RAD51B: variants seen among roughly 807,000 people sequenced by gnomAD.
RAD51B encodes the protein RAD51 paralog B.
A neutral mutation model predicts 42.2 loss-of-function variants in RAD51B; 38 were observed. That is an observed-to-expected ratio of 0.90 (90% confidence interval 0.70 to 1.18). The LOEUF (loss-of-function observed/expected upper bound fraction) is 1.18, where lower values mean the gene tolerates loss of function less well. RAD51B is among the 50% of genes most tolerant of loss of function. The pLI, the probability that RAD51B is intolerant of heterozygous loss-of-function variation, is 0.00. For synonymous variants in RAD51B, 154 were observed against 145.2 expected, an observed-to-expected ratio of 1.06 and a Z score of -0.43; for missense variants, 373 against 400.7, an observed-to-expected ratio of 0.93 and a Z score of 0.59.
intron 5 of RAD51B, among the ~76,000 whole-genome samples, chr14:67,866,852 G>A (rs1242338540): frequency 6.6e-6 from 1 of 152,150 alleles, no homozygotes. Flanking sequence ...GTGCATGTTG[G>A]TATTTACATC....
At chr14:68,567,082 G>A (rs1200901985) in intron 10 of RAD51B, among the ~76,000 whole-genome samples, 1 of 152,092 alleles carries the variant, frequency 6.6e-6, no homozygotes, top group African/African-American at 2.4e-5. Context: ...GGTGGATCAC[G>A]AGGTCAGGAG....
intron 7 of RAD51B, among the ~76,000 whole-genome samples, chr14:67,998,685 AC>A (rs2075428263): frequency 6.6e-6 from 1 of 152,014 alleles, no homozygotes; most frequent in Admixed American, 6.6e-5. Flanking sequence ...AAGAACCACT[AC>A]TCTGGAGCTA....
intron 7 of RAD51B, among the ~76,000 whole-genome samples, chr14:68,068,172 T>C (rs988226935): frequency 6.6e-6 from 1 of 151,038 alleles, no homozygotes; most frequent in Non-Finnish European, 1.5e-5. Context: ...AATTTAGTGG[T>C]TTTTTAGTAT....
intron 7 of RAD51B, among the ~76,000 whole-genome samples, chr14:67,914,445 G>A (rs2044087049): frequency 6.6e-6 from 1 of 152,180 alleles, no homozygotes; most frequent in Admixed American, 6.5e-5. Context: ...ATTCCATTGA[G>A]TATATGTACC....
At chr14:68,046,414 G>A (rs1208185886) in intron 7 of RAD51B, among the ~76,000 whole-genome samples, 2 of 152,280 alleles carry the variant, frequency 1.3e-5, no homozygotes, top group South Asian at 2.1e-4. Context: ...ACCATGCTTG[G>A]CCCTAAAACT....
intron 9 of RAD51B, among the ~76,000 whole-genome samples, chr14:68,429,115 C>T (rs1423638392): frequency 4.6e-5 from 7 of 152,018 alleles, no homozygotes; most frequent in South Asian, 2.1e-4. Context: ...TAGTATTCCA[C>T]GGTGTATATG....
chr14:68,595,528 C>T, exon 11 of RAD51B: 1 of 1,066,672 alleles, frequency 9.4e-7, no homozygotes, highest in Middle Eastern at 4.2e-4. Context: ...GTTGTGAAGT[C>T]TGTCTGGCCC....
intron 10 of RAD51B, among the ~76,000 whole-genome samples, chr14:68,625,087 G>A (rs559744008): frequency 1.3e-5 from 2 of 152,284 alleles, no homozygotes; most frequent in African/African-American, 4.8e-5. Context: ...AATAAGTGGT[G>A]GAGCTGGGAC....
At chr14:67,859,967 T>A (rs1267248868) in intron 4 of RAD51B, among the ~76,000 whole-genome samples, 2 of 152,098 alleles carry the variant, frequency 1.3e-5, no homozygotes, top group African/African-American at 4.8e-5. Context: ...ATTACAGGCA[T>A]GCACCACCAC....
chr14:68,569,554 A>G (rs1889589582), intron 10 of RAD51B, among the ~76,000 whole-genome samples: 1 of 152,242 alleles, frequency 6.6e-6, no homozygotes, highest in African/African-American at 2.4e-5. Flanking sequence ...CAAAGAAAGC[A>G]GGGGAAAGAA....
intron 10 of RAD51B, among the ~76,000 whole-genome samples, chr14:68,546,937 A>G (rs1375451910): frequency 6.6e-6 from 1 of 152,238 alleles, no homozygotes; most frequent in Non-Finnish European, 1.5e-5. Flanking sequence ...TGTGCAGTTT[A>G]TCAGGACTTT....
At chr14:68,204,844 C>G (rs1401224264) in intron 7 of RAD51B, among the ~76,000 whole-genome samples, 2 of 152,092 alleles carry the variant, frequency 1.3e-5, no homozygotes, top group Non-Finnish European at 2.9e-5. Flanking sequence ...AATTATCTTT[C>G]AAGTATACAC....
chr14:68,044,130 A>ATAATT (rs1384384107), intron 7 of RAD51B, among the ~76,000 whole-genome samples: 1 of 152,244 alleles, frequency 6.6e-6, no homozygotes, highest in African/African-American at 2.4e-5. Context: ...AGCAACTCAA[A>ATAATT]TGACTGCTCT....
chr14:67,889,494 G>A (rs952612910), intron 7 of RAD51B, among the ~76,000 whole-genome samples: 3 of 148,040 alleles, frequency 2.0e-5, no homozygotes, highest in Admixed American at 6.8e-5. Flanking sequence ...AGATTGTCTT[G>A]AAATATGTAT....
Position 68,083,381 on chromosome 14 carries a change from C to T in RAD51B, c.756+196177C>T, listed in dbSNP as rs576803028. Among the ~76,000 whole-genome samples, 35 of 152,198 alleles carry T rather than the reference C, an allele frequency of 2.3e-4. No homozygotes were observed. The South Asian group carries it at 6.8e-3, about 30-fold the overall frequency. ...CAAAGTCATTGAGTAGGTTTGTTGA[C>T]TTATGTCAGATTACTCTAAATCTTG... On this transcript the variant is annotated intron_variant, in intron 7 of 10. Coordinates refer to ENST00000471583, the MANE Select transcript of RAD51B (RefSeq NM_133510.4).
At chr14:68,350,497 A>G (rs2082763848) in intron 8 of RAD51B, among the ~76,000 whole-genome samples, 1 of 152,260 alleles carries the variant, frequency 6.6e-6, no homozygotes, top group Non-Finnish European at 1.5e-5. Context: ...TGACAGTCAG[A>G]AAATTGCTGG....
At chr14:68,608,110 TGA>T (rs543311944) in intron 10 of RAD51B, among the ~76,000 whole-genome samples, 4 of 152,288 alleles carry the variant, frequency 2.6e-5, no homozygotes, top group African/African-American at 9.6e-5. Flanking sequence ...GCGCGTGCCA[TGA>T]GAGACCACCC....
intron 7 of RAD51B, among the ~76,000 whole-genome samples, chr14:67,958,379 G>C (rs1203322424): frequency 6.6e-6 from 1 of 152,240 alleles, no homozygotes; most frequent in East Asian, 1.9e-4. Flanking sequence ...TAGGCAGCAG[G>C]CTTTTGCAAA....
At chr14:68,603,911 ACTTT>A (rs1384497791) in intron 10 of RAD51B, among the ~76,000 whole-genome samples, 6 of 152,164 alleles carry the variant, frequency 3.9e-5, no homozygotes, top group Non-Finnish European at 7.4e-5. Flanking sequence ...TGTTCCTTCA[ACTTT>A]CTTCAGCCCC....
Sources: allele counts gnomAD v4.1 joint callset (sites outside exome capture counted in the v4.1 genomes callset), GRCh38; gene constraint gnomAD v4.1.1; transcripts MANE v1.5; gene names NCBI Gene and HGNC (gene_info 2026-07-23, HGNC 2026-07-21).